Variants in RASGRP1 observed in about 807,000 individuals in gnomAD.
RASGRP1 encodes the protein RAS guanyl-releasing protein 1.
RASGRP1 carries 37 observed loss-of-function variants against 95.1 expected under a neutral mutation model. The ratio of observed to expected loss-of-function variants is 0.39; its 90% CI spans 0.30 to 0.51. The LOEUF is 0.51. Among genes scored for constraint, RASGRP1 ranks in the 20% least tolerant of loss-of-function variants. The pLI is 0.80. For synonymous variants in RASGRP1, 325 were observed against 353.4 expected (o/e 0.92, Z 0.90); for missense variants, 711 against 965.4 (o/e 0.74, Z 3.49).
At chr15:38,516,767 G>A (rs1399771185) in intron 5 of RASGRP1, among the ~76,000 whole-genome samples, 4 of 151,896 alleles carry the variant, frequency 2.6e-5, no homozygotes, top group African/African-American at 7.3e-5. Context: ...AAATCCCAAG[G>A]CAGTGAAACA....
Position 38,522,194 on chromosome 15 carries a change from A to C in RASGRP1, c.327-2823T>G, listed in dbSNP as rs547793911. On this transcript the variant is annotated intron_variant, in intron 3 of 16. Coordinates refer to ENST00000310803, the MANE Select transcript of RASGRP1 (RefSeq NM_005739.4). Reference sequence around the variant, plus strand: ...GTCTAGCGGGGGAGACGACACACAAATAGGTAAGTTACAGTGTACATACTT... The same window carrying C: ...GTCTAGCGGGGGAGACGACACACAACTAGGTAAGTTACAGTGTACATACTT... Among the ~76,000 whole-genome samples, 4 of 152,328 alleles carry C rather than the reference A, an allele frequency of 2.6e-5. 1 individual carries two copies. The East Asian group carries it at 7.7e-4, about 29-fold the overall frequency.
chr15:38,504,676 T>C (rs1420111890), intron 10 of RASGRP1: 1 of 152,142 alleles, frequency 6.6e-6, no homozygotes, highest in East Asian at 1.9e-4. Context: ...ATAAAAAGTA[T>C]TGTATAGTAA....
intron 3 of RASGRP1, among the ~76,000 whole-genome samples, chr15:38,522,964 G>T (rs1316932289): frequency 1.3e-5 from 2 of 152,174 alleles, no homozygotes; most frequent in East Asian, 3.8e-4. Flanking sequence ...ACAAAGACTG[G>T]AGTGGGACAG....
intron 2 of RASGRP1, among the ~76,000 whole-genome samples, chr15:38,536,336 G>A (rs991382627): frequency 1.3e-5 from 2 of 152,216 alleles, no homozygotes; most frequent in Admixed American, 6.5e-5. Context: ...TTGCTGGGAG[G>A]AGGGCTGGCA....
chr15:38,523,174 A>G (rs1356960449), intron 3 of RASGRP1, among the ~76,000 whole-genome samples: 1 of 152,178 alleles, frequency 6.6e-6, no homozygotes, highest in Non-Finnish European at 1.5e-5. Flanking sequence ...TATTAACTGA[A>G]ATTGACCATG....
intron 8 of RASGRP1, among the ~76,000 whole-genome samples, chr15:38,511,183 T>G (rs893901604): frequency 6.6e-6 from 1 of 152,144 alleles, no homozygotes; most frequent in Non-Finnish European, 1.5e-5. Flanking sequence ...GATAGCTAAG[T>G]TTTTAATATA....
intron 16 of RASGRP1, among the ~76,000 whole-genome samples, chr15:38,492,599 A>G (rs910909150): frequency 1.3e-5 from 2 of 152,128 alleles, no homozygotes; most frequent in Non-Finnish European, 2.9e-5. Flanking sequence ...TCCTGTAATA[A>G]AGTGAATAGT....
intron 16 of RASGRP1, 70 bp downstream of exon 16, chr15:38,494,312 A>G (rs776746308): frequency 1.3e-6 from 2 of 1,561,784 alleles, no homozygotes; most frequent in Admixed American, 1.7e-5. Flanking sequence ...TTCAGTCCAC[A>G]TGCTCTTTCC....
chr15:38,548,432 G>T (rs940429650), intron 2 of RASGRP1, among the ~76,000 whole-genome samples: 1 of 152,094 alleles, frequency 6.6e-6, no homozygotes, highest in Non-Finnish European at 1.5e-5. Flanking sequence ...AAATTAGCCA[G>T]ACATGGTGGC....
intron 2 of RASGRP1, among the ~76,000 whole-genome samples, chr15:38,548,074 G>A (rs766173451): frequency 5.9e-5 from 9 of 151,518 alleles, no homozygotes; most frequent in Admixed American, 1.3e-4. Context: ...TACATGACAC[G>A]GGTGAATTAT....
intron 2 of RASGRP1, among the ~76,000 whole-genome samples, chr15:38,555,507 A>G (rs1199900009): frequency 1.3e-5 from 2 of 152,146 alleles, no homozygotes; most frequent in East Asian, 1.9e-4. Context: ...CTGTCTTAGG[A>G]GAGAGATCCA....
chr15:38,525,598 C>G (rs943225580), intron 3 of RASGRP1, among the ~76,000 whole-genome samples: 1 of 152,028 alleles, frequency 6.6e-6, no homozygotes, highest in Admixed American at 6.6e-5. Flanking sequence ...AGATGAAACG[C>G]GGGGAATTAG....
chr15:38,533,071 ACTT>A (rs1158844816), intron 2 of RASGRP1, among the ~76,000 whole-genome samples: 3 of 152,182 alleles, frequency 2.0e-5, no homozygotes, highest in Non-Finnish European at 4.4e-5. Flanking sequence ...CGGAACAGTC[ACTT>A]CTTCTCCTTT....
intron 1 of RASGRP1, 58 bp from the exon 2 acceptor site, chr15:38,560,063 A>C: frequency 7.0e-7 from 1 of 1,422,362 alleles, no homozygotes; most frequent in South Asian, 1.2e-5. Context: ...CTCTGAAGGC[A>C]GATTGGAGAG....
intron 3 of RASGRP1, among the ~76,000 whole-genome samples, chr15:38,520,115 G>A (rs1270998066): frequency 6.6e-6 from 1 of 152,184 alleles, no homozygotes; most frequent in Admixed American, 6.5e-5. Context: ...TATTTTAAGA[G>A]TCAAAGAGAT....
At position 38,510,074 on chromosome 15, in the gene RASGRP1, A is replaced by G. The variant is rs76234791; in HGVS notation, c.966+1530T>C. 2.7e-3 allele frequency among the ~76,000 whole-genome samples: 417 copies of G among 152,224 alleles called. 2 individuals carry two copies. Among genetic ancestry groups the G allele is most frequent in the African/African-American group, 9.7e-3 (404 of 41,540 alleles). ...GTGTAACAGCAAAAATGATAAAGAT[A>G]TTTTTATTCCCCTCCGAAGGTGAAA... On this transcript the variant is annotated intron_variant, in intron 8 of 16. Transcript: ENST00000310803.
At chr15:38,559,795 T>G (rs755177168) in intron 2 of RASGRP1, 26 bp downstream of exon 2, 2 of 1,595,150 alleles carry the variant, frequency 1.3e-6, no homozygotes, top group Admixed American at 1.7e-5. Flanking sequence ...GTGATTTTTA[T>G]GCCTGTGGGC....
At chr15:38,548,951 TA>T (rs1483421562) in intron 2 of RASGRP1, among the ~76,000 whole-genome samples, 1 of 152,050 alleles carries the variant, frequency 6.6e-6, no homozygotes, top group African/African-American at 2.4e-5. Flanking sequence ...ACAGACACAA[TA>T]AATGTAGGGA....
rs553955446 is a variant in RASGRP1, at chr15:38,494,359, A to C, written c.2259+23T>G. 1.8e-4 allele frequency: 297 copies of C among 1,612,740 alleles called. 7 individuals are homozygous for C. The South Asian group carries it at 2.7e-3, about 15-fold the overall frequency. ...CACTTCTCTAAGATAGTCTGAAAAA[A>C]AGGAAAATGAAAAGGAAGGTACCTG... On this transcript the variant is annotated intron_variant, in intron 16 of 16. Coordinates refer to ENST00000310803, the MANE Select transcript of RASGRP1 (RefSeq NM_005739.4).
Sources: allele counts gnomAD v4.1 joint callset (sites outside exome capture counted in the v4.1 genomes callset), GRCh38; gene constraint gnomAD v4.1.1; transcripts MANE v1.5; gene names NCBI Gene and HGNC (gene_info 2026-07-23, HGNC 2026-07-21).